The following SUN1 variants were observed in gnomAD, a reference collection of about 807,000 sequenced individuals.
The protein encoded by SUN1 is SUN domain-containing protein 1.
A neutral mutation model predicts 103.2 loss-of-function variants in SUN1; 61 were observed. The observed-to-expected ratio is 0.59, with a 90% CI of 0.48 to 0.73. The LOEUF is 0.73. Ranked by LOEUF, SUN1 falls within the 30% of genes least tolerant of loss-of-function variation. The probability of loss-of-function intolerance (pLI) is 0.00; values close to 1 mark genes in which losing one functional copy is unlikely to be tolerated. For missense variants in SUN1, 1,052 were observed against 1,034.6 expected, an observed-to-expected ratio of 1.02 and a Z score of -0.23; for synonymous variants, 490 against 425.7, an observed-to-expected ratio of 1.15 and a Z score of -1.86.
intron 16 of SUN1, 63 bp from the exon 17 acceptor site, chr7:869,286 C>T: frequency 6.5e-7 from 1 of 1,545,102 alleles, no homozygotes; most frequent in Middle Eastern, 1.7e-4. Context: ...CTTTCCTCTT[C>T]CTGCTGCTAA....
chr7:862,263 G>C (rs1832805031), intron 15 of SUN1, among the ~76,000 whole-genome samples: 1 of 152,222 alleles, frequency 6.6e-6, no homozygotes, highest in Non-Finnish European at 1.5e-5. Flanking sequence ...TTAGTGTGTG[G>C]AGGGGCTGGA....
intron 2 of SUN1, among the ~76,000 whole-genome samples, chr7:840,959 G>GT (rs1809121176): frequency 6.6e-6 from 1 of 151,002 alleles, no homozygotes; most frequent in African/African-American, 2.4e-5. Context: ...TTGAGACAGA[G>GT]TTTCGCTTTT....
upstream of SUN1, among the ~76,000 whole-genome samples, chr7:827,518 G>A (rs1191465169): frequency 6.8e-6 from 1 of 147,784 alleles, no homozygotes; most frequent in South Asian, 2.1e-4. Context: ...CCCCCAGGCT[G>A]GGGTGCAGTG....
Position 842,113 on chromosome 7 carries a change from C to T in SUN1, c.434C>T (p.Thr145Ile), listed in dbSNP as rs1810610310. The T allele has an allele frequency of 7.4e-6, 12 of 1,613,884 alleles. No homozygotes were observed. The highest frequency in any genetic ancestry group is 1.3e-5 in the African/African-American group (1 of 74,930). The change falls in exon 3 of 19, where the codon ACA (threonine) becomes ATA (isoleucine). Residue 145 changes from threonine to isoleucine, a missense_variant. By Grantham distance (89) the Thr-to-Ile change is moderately conservative. Coordinates refer to ENST00000401592, the MANE Select transcript of SUN1 (RefSeq NM_001130965.3). ...LDESWIREQT[T>I]VDHFWGLDDD... ...GAGTCTTGGATTCGTGAACAGACCACAGTGGACCACTTCTGGGGTGAGTCC... is the reference window on the plus strand; with the variant it reads ...GAGTCTTGGATTCGTGAACAGACCATAGTGGACCACTTCTGGGGTGAGTCC...
rs1030416051 is a variant in SUN1 at position 874,494 on chromosome 7, T to A, written c.*1163T>A. 1 of 152,666 alleles carries A rather than the reference T, an allele frequency of 6.6e-6. No homozygotes were observed. Among genetic ancestry groups the A allele is most frequent in the South Asian group, 2.1e-4 (1 of 4,836 alleles). The allele number at this position is 152,666 out of a possible 1,614,324, so 9.5% of individuals were successfully genotyped here. On this transcript the variant is annotated 3_prime_UTR_variant, in exon 19 of 19. Coordinates refer to ENST00000401592, the MANE Select transcript of SUN1 (RefSeq NM_001130965.3). ...GACAGTTTTCAGTGTACCGTAAATG[T>A]TGTGTTTTCAGAAAAAGACAAAACG...
At chr7:870,989 C>G (rs955569509) in intron 17 of SUN1, among the ~76,000 whole-genome samples, 1 of 148,292 alleles carries the variant, frequency 6.7e-6, no homozygotes, top group Non-Finnish European at 1.5e-5. Context: ...CTCCCGGGTT[C>G]AAGCGATTCT....
rs765886591 is a variant in SUN1 at position 851,415 on chromosome 7, C to T, written c.690C>T (p.Ile230=). 13 of 1,609,174 alleles carry T rather than the reference C, an allele frequency of 8.1e-6. No homozygotes were observed. The highest frequency in any genetic ancestry group is 1.7e-5 in the Admixed American group (1 of 59,312). The change falls in exon 6 of 19, where the codon ATC becomes ATT. Residue 230 remains isoleucine (I), a synonymous_variant. Transcript: ENST00000401592. ...CYFLLQILRR[I]GAVGQAVSRT... ...TCTTGCTGCAGATTCTGCGCAGGAT[C>T]GGAGCTGTGGGCCAGGCTGTGTCCA... is the stretch of plus-strand genomic sequence containing the variant.
Position 820,375 on chromosome 7 carries a change from T to A in SUN1, c.-74+3702T>A, listed in dbSNP as rs1040343858. 2.0e-5 allele frequency among the ~76,000 whole-genome samples: 3 copies of A among 152,262 alleles called. 1 individual carries two copies. Among genetic ancestry groups the A allele is most frequent in the Non-Finnish European group, 4.4e-5 (3 of 68,046 alleles). On this transcript the variant is annotated intron_variant, in intron 1 of 17. Transcript: ENST00000389574. ...TGTTTTCCCAATTTCACTTCCAGAT[T>A]GTTCATTGCTAGTGTGTAGAAATGC...
chr7:849,905 C>T (rs762948261), intron 5 of SUN1: 61 of 1,586,294 alleles, frequency 3.8e-5, no homozygotes, highest in Non-Finnish European at 4.2e-5. Context: ...CACTCACTGC[C>T]TGTCACCACA....
At chr7:857,981 T>C (rs761329920) in intron 13 of SUN1, 24 bp downstream of exon 13, 3 of 1,536,086 alleles carry the variant, frequency 2.0e-6, no homozygotes, top group Admixed American at 4.1e-5. Context: ...ATGTTTACTT[T>C]TTGTTTTATA....
upstream of SUN1, chr7:816,501 G>T: frequency 1.2e-5 from 3 of 260,144 alleles, no homozygotes; most frequent in Non-Finnish European, 1.5e-5. Flanking sequence ...CCCGCGGCCC[G>T]TAGCCGCCTC....
At chr7:840,271 T>A (rs1036507085) in intron 2 of SUN1, among the ~76,000 whole-genome samples, 2 of 152,158 alleles carry the variant, frequency 1.3e-5, no homozygotes, top group Non-Finnish European at 2.9e-5. Context: ...AGATGCAGGG[T>A]GTGAGTTCAT....
chr7:845,441 G>A (rs750000419), intron 5 of SUN1, among the ~76,000 whole-genome samples: 1 of 152,158 alleles, frequency 6.6e-6, no homozygotes, highest in Non-Finnish European at 1.5e-5. Flanking sequence ...GCCCACACTA[G>A]TGTATCGCCC....
intron 15 of SUN1, among the ~76,000 whole-genome samples, chr7:864,469 G>A (rs564028710): frequency 2.0e-5 from 3 of 150,552 alleles, no homozygotes; most frequent in East Asian, 4.0e-4. Context: ...CAGGAGAATC[G>A]CTTGAACCTG....
At chr7:838,635 C>G (rs563079392) in intron 1 of SUN1, among the ~76,000 whole-genome samples, 163 bp from the exon 2 acceptor site, 1 of 152,296 alleles carries the variant, frequency 6.6e-6, no homozygotes, top group South Asian at 2.1e-4. Flanking sequence ...TGCTGGCTGA[C>G]CTGTGTGCCA....
At chr7:836,972 G>C (rs944034744) in intron 1 of SUN1, among the ~76,000 whole-genome samples, 3 of 152,244 alleles carry the variant, frequency 2.0e-5, no homozygotes, top group African/African-American at 7.2e-5. Context: ...GTCTGAGAAG[G>C]CCATTGAGGG....
In SUN1 at chr7:860,359, G is replaced by T; in HGVS notation, c.1756G>T (p.Gly586Trp). 2 of 1,613,938 alleles carry T rather than the reference G, an allele frequency of 1.2e-6. No individual in the cohort carries two copies. Among genetic ancestry groups the T allele is most frequent in the African/African-American group, 1.3e-5 (1 of 75,070 alleles). ...EAVVSAVSEA[G>W]ASGITEAQAR... is the part of the protein sequence containing the mutation. ...CGTGGTGTCTGCTGTGAGCGAGGCG[G>T]GGGCGTCTGGAATAACAGAGGCGGT... The change falls in exon 14 of 19, where the codon GGG becomes TGG. Residue 586 changes from glycine (G) to tryptophan (W), a missense_variant. This residue lies in a region of SUN1 where 846 missense variants were observed against 774.5 expected (regional missense o/e 1.09). Transcript: ENST00000401592.
At chr7:820,958 A>G (rs1156794606) in intron 1 of SUN1, among the ~76,000 whole-genome samples, 1 of 151,996 alleles carries the variant, frequency 6.6e-6, no homozygotes, top group Admixed American at 6.6e-5. Flanking sequence ...TTGTTCTTCC[A>G]TGTTCTCCAT....
chr7:849,007 A>G lies in SUN1; in HGVS notation c.659-2377A>G, dbSNP rs910852490. Among the ~76,000 whole-genome samples, 7 of 152,158 alleles carry G rather than the reference A, an allele frequency of 4.6e-5. No homozygotes were observed. The South Asian group carries it at 1.4e-3, about 31-fold the overall frequency. On this transcript the variant is annotated intron_variant, in intron 5 of 18. Coordinates refer to ENST00000401592, the MANE Select transcript of SUN1 (RefSeq NM_001130965.3). ...ACTCTTGTTGCCCAGGCTGGAGTGC[A>G]GTGGTGTGATCTCGGCTCACCGCAA...
Sources: allele counts gnomAD v4.1 joint callset (sites outside exome capture counted in the v4.1 genomes callset), GRCh38; gene constraint gnomAD v4.1.1; regional missense constraint gnomAD v4.1.1; transcripts MANE v1.5; gene names NCBI Gene and HGNC (gene_info 2026-07-23, HGNC 2026-07-21).